CHD2: variants seen among roughly 807,000 people sequenced by gnomAD.
CHD2 encodes the protein ATP-dependent chromatin remodeler CHD2.
CHD2 carries 28 observed loss-of-function variants against 243.9 expected under a neutral mutation model. The ratio of observed to expected loss-of-function variants is 0.11; its 90% CI spans 0.09 to 0.16. The LOEUF (loss-of-function observed/expected upper bound fraction) is 0.16. Ranked by LOEUF, CHD2 falls within the 10% of genes least tolerant of loss-of-function variation. The probability of loss-of-function intolerance (pLI) is 1.00; values close to 1 mark genes in which losing one functional copy is unlikely to be tolerated. For synonymous variants in CHD2, 775 were observed against 779.0 expected, an observed-to-expected ratio of 0.99 and a Z score of 0.09; for missense variants, 1,386 against 2,209.8, an observed-to-expected ratio of 0.63 and a Z score of 7.47.
rs1555443468 is a variant in CHD2 at position 92,985,493 on chromosome 15, C to G, written c.3238-5C>G. 6.2e-7 allele frequency: 1 copy of G among 1,606,852 alleles called. No individual in the cohort carries two copies. Among genetic ancestry groups the G allele is most frequent in the Non-Finnish European group, 8.5e-7 (1 of 1,175,152 alleles). ...ACAGTGTGACTTTGCCTCGATCTTTCTCAGGCTCAGACAAATGACAGTGAC... is the reference window on the plus strand; with the variant it reads ...ACAGTGTGACTTTGCCTCGATCTTTGTCAGGCTCAGACAAATGACAGTGAC... On this transcript the variant is annotated splice_polypyrimidine_tract_variant and splice_region_variant and intron_variant, in intron 25 of 38. Coordinates refer to ENST00000394196, the MANE Select transcript of CHD2 (RefSeq NM_001271.4).
At chr15:92,922,198 C>T (rs1036559001) in intron 2 of CHD2, among the ~76,000 whole-genome samples, 5 of 152,148 alleles carry the variant, frequency 3.3e-5, no homozygotes, top group Admixed American at 6.5e-5. Context: ...ATTGGAATCC[C>T]GGCCCCTCAC....
chr15:92,901,883 CTT>C (rs2052533846), intron 2 of CHD2: 1 of 304,644 alleles, frequency 3.3e-6, no homozygotes, highest in Admixed American at 5.0e-5. Flanking sequence ...TTTTGATACA[CTT>C]GACATTTTAG....
intron 2 of CHD2, among the ~76,000 whole-genome samples, chr15:92,920,751 T>A (rs2052939489): frequency 6.6e-6 from 1 of 152,190 alleles, no homozygotes. Flanking sequence ...GAGTTAAACA[T>A]TATAGTAGTT....
At chr15:92,967,013 G>C (rs10152428) in intron 16 of CHD2, among the ~76,000 whole-genome samples, 98,186 of 152,042 alleles carry the variant, frequency 0.65, 33,857 homozygotes, top group East Asian at 0.98. Context: ...TATATCTGAC[G>C]TTCCATCTTA....
At chr15:92,918,182 T>G (rs1333353803) in intron 2 of CHD2, among the ~76,000 whole-genome samples, 2 of 152,198 alleles carry the variant, frequency 1.3e-5, no homozygotes, top group African/African-American at 4.8e-5. Flanking sequence ...GGCACTTCGT[T>G]TCAAAGTCCA....
At position 93,027,818 on chromosome 15, in the gene CHD2, C is replaced by G. The variant is rs1454598875; in HGVS notation, c.*3113C>G. 3 of 152,612 alleles carry G rather than the reference C, an allele frequency of 2.0e-5. No homozygotes were observed. Among genetic ancestry groups the G allele is most frequent in the Non-Finnish European group, 4.4e-5 (3 of 68,030 alleles). The allele number at this position is 152,612 out of a possible 1,614,324, so 9.5% of individuals were successfully genotyped here. A position where few individuals can be genotyped will look rare whatever the true frequency, so the allele number is the denominator to read the frequency against. ...TTTTTCTTTATTGTAAAATTGTGGACTTTTAAAACCTGTTGACTAAACAGT... is the reference window on the plus strand; with the variant it reads ...TTTTTCTTTATTGTAAAATTGTGGAGTTTTAAAACCTGTTGACTAAACAGT... On this transcript the variant is annotated 3_prime_UTR_variant, in exon 39 of 39. Transcript: ENST00000394196.
At chr15:92,969,686 T>C (rs1304803780) in intron 17 of CHD2, among the ~76,000 whole-genome samples, 5 of 152,204 alleles carry the variant, frequency 3.3e-5, no homozygotes, top group Non-Finnish European at 7.3e-5. Context: ...TTTTATTTGA[T>C]CTTACTGATC....
At chr15:92,993,563 T>G (rs2054148670) in intron 28 of CHD2, among the ~76,000 whole-genome samples, 1 of 110,850 alleles carries the variant, frequency 9.0e-6, no homozygotes, top group South Asian at 3.1e-4. Flanking sequence ...GTGTGATATC[T>G]TTAAAAGCAA....
intron 2 of CHD2, among the ~76,000 whole-genome samples, chr15:92,903,316 TTTAGGGAA>T (rs1448288909): frequency 6.6e-6 from 1 of 152,144 alleles, no homozygotes; most frequent in African/African-American, 2.4e-5. Flanking sequence ...AAGTATAGTG[TTTAGGGAA>T]TACTACGAAA....
intron 34 of CHD2, among the ~76,000 whole-genome samples, chr15:93,007,647 C>G (rs933889226): frequency 4.6e-5 from 7 of 152,138 alleles, no homozygotes; most frequent in Non-Finnish European, 8.8e-5. Flanking sequence ...CAGTGGCTGA[C>G]AACCATGTCC....
In CHD2 at chr15:92,914,800, A is replaced by C. The variant is rs1267620569; in HGVS notation, c.63-9521A>C. Among the ~76,000 whole-genome samples the C allele has an allele frequency of 7.9e-5, 12 of 152,328 alleles. No homozygotes were observed. The South Asian group carries it at 1.7e-3, about 21-fold the overall frequency. ...CAAATTAGGTAGCACCCCATCTATA[A>C]AAAAATAGGTGCCCATTGGGCATGG... On this transcript the variant is annotated intron_variant, in intron 2 of 38. Coordinates refer to ENST00000394196, the MANE Select transcript of CHD2 (RefSeq NM_001271.4).
At chr15:92,958,521 C>CA (rs1181719547) in intron 16 of CHD2, among the ~76,000 whole-genome samples, 2 of 152,038 alleles carry the variant, frequency 1.3e-5, no homozygotes, top group African/African-American at 4.8e-5. Flanking sequence ...GGTCTGATTG[C>CA]AAAAAATTCA....
Position 93,020,592 on chromosome 15 carries a change from G to A in CHD2, c.5153+334G>A, listed in dbSNP as rs1357739588. ...CCACACTAGGTATCAGGGATCCCGA[G>A]ATGGGTACCAGCCCACAGTCCTTAC... On this transcript the variant is annotated intron_variant, in intron 38 of 38. Transcript: ENST00000394196. 7.8e-6 allele frequency: 4 copies of A among 513,742 alleles called. No individual in the cohort carries two copies. The East Asian group carries it at 1.3e-4, about 17-fold the overall frequency. 31.8% of individuals were successfully genotyped at this position (513,742 alleles called of 1,614,324 possible).
At chr15:92,951,489 A>T (rs905161619) in intron 13 of CHD2, among the ~76,000 whole-genome samples, 2 of 152,220 alleles carry the variant, frequency 1.3e-5, no homozygotes, top group South Asian at 4.1e-4. Context: ...TTTACTTTAA[A>T]CCAAAGGAAT....
chr15:93,004,473 T>C, intron 33 of CHD2, 144 bp from the exon 34 acceptor site: 1 of 708,824 alleles, frequency 1.4e-6, no homozygotes, highest in Non-Finnish European at 2.2e-6. Context: ...CTTCATGATG[T>C]TTCAGGATTT....
At chr15:93,022,474 G>A (rs2054545426) in intron 38 of CHD2, among the ~76,000 whole-genome samples, 1 of 152,192 alleles carries the variant, frequency 6.6e-6, no homozygotes, top group Non-Finnish European at 1.5e-5. Context: ...TACCCAAACC[G>A]TATCACCATC....
chr15:92,991,276 G>T, intron 26 of CHD2, 200 bp from the exon 27 acceptor site: 1 of 485,724 alleles, frequency 2.1e-6, no homozygotes, highest in Non-Finnish European at 3.6e-6. Flanking sequence ...AATTTGAATA[G>T]ATTTTTAGCA....
chr15:92,991,538 C>T (rs2054119724), intron 27 of CHD2, 21 bp downstream of exon 27: 5 of 1,562,232 alleles, frequency 3.2e-6, no homozygotes, highest in African/African-American at 2.8e-5. Context: ...TGTAATAGTC[C>T]CTTATCTTCC....
chr15:92,902,532 T>C (rs928101242), intron 2 of CHD2: 5 of 192,598 alleles, frequency 2.6e-5, no homozygotes, highest in Non-Finnish European at 5.2e-5. Context: ...ATATGCTGAA[T>C]TCTATTTATT....
Sources: gnomAD v4.1 joint callset for allele counts (sites outside exome capture counted in the v4.1 genomes callset) on GRCh38, gnomAD v4.1.1 for gene constraint, MANE v1.5 for transcripts, NCBI Gene and HGNC (gene_info 2026-07-23, HGNC 2026-07-21) for gene names.